The following GTF2IRD1 variants were observed in gnomAD, a reference collection of about 807,000 sequenced individuals.
GTF2IRD1 encodes the protein GTF2I repeat domain containing 1, also known as general transcription factor II-I repeat domain-containing protein 1.
In GTF2IRD1, 26 loss-of-function variants were observed where a neutral mutation model predicts 113.2. The observed-to-expected ratio is 0.23, with a 90% CI of 0.17 to 0.32. The LOEUF (loss-of-function observed/expected upper bound fraction) is 0.32, where lower values mean the gene tolerates loss of function less well. Among genes scored for constraint, GTF2IRD1 ranks in the 10% least tolerant of loss-of-function variants. The pLI is 1.00. For missense variants in GTF2IRD1, 864 were observed against 1,280.8 expected (o/e 0.67, Z 4.97); for synonymous variants, 484 against 529.1 (o/e 0.91, Z 1.17).
At position 74,593,548 on chromosome 7, in the gene GTF2IRD1, A is replaced by G. The variant is rs1802203092; in HGVS notation, c.2592-1466A>G. Reference sequence around the variant, plus strand: ...GGAGATCACAACCATCCTGGCTAACATGGTGAAACCCCGTCTCCACTAAAA... The same window carrying G: ...GGAGATCACAACCATCCTGGCTAACGTGGTGAAACCCCGTCTCCACTAAAA... On this transcript the variant is annotated intron_variant, in intron 24 of 26. Transcript: ENST00000424337. 1.3e-5 allele frequency among the ~76,000 whole-genome samples: 2 copies of G among 151,512 alleles called. 1 individual carries two copies. Among genetic ancestry groups the G allele is most frequent in the South Asian group, 4.2e-4 (2 of 4,796 alleles).
chr7:74,572,101 G>T (rs1464217007), intron 22 of GTF2IRD1, among the ~76,000 whole-genome samples: 3 of 152,092 alleles, frequency 2.0e-5, no homozygotes, highest in Admixed American at 6.6e-5. Flanking sequence ...TCTTCTGTGG[G>T]GTCTCCTGTC....
Position 74,492,490 on chromosome 7 carries a change from C to T in GTF2IRD1, c.-6-15585C>T, listed in dbSNP as rs574231602. Among the ~76,000 whole-genome samples the T allele has an allele frequency of 2.0e-5, 3 of 152,142 alleles. No individual in the cohort carries two copies. In the South Asian group the frequency reaches 6.2e-4, roughly 32 times the overall value. The stretch of plus-strand genomic sequence containing the variant: ...TGGCCCAGCATCTGTCATTTTTTGA[C>T]TTTAATAATAGCCATTCTGACTGGT... On this transcript the variant is annotated intron_variant, in intron 1 of 26. Coordinates refer to ENST00000424337, the MANE Select transcript of GTF2IRD1 (RefSeq NM_005685.4).
At position 74,555,988 on chromosome 7, in the gene GTF2IRD1, G is replaced by A. The variant is rs1473354479; in HGVS notation, c.2023+494G>A. On this transcript the variant is annotated intron_variant, in intron 19 of 26. Transcript: ENST00000424337. This position sits in a 1 kb window ranked among gnomAD's most constrained non-coding sequence, Gnocchi z 5.3. ...TCAGAGGCCGAGTGCAGTGGCTCAC[G>A]CCTGTAATCCCAGCACTTTGGGCGG... is the stretch of plus-strand genomic sequence containing the variant. Among the ~76,000 whole-genome samples, 1 of 152,066 alleles carries A rather than the reference G, an allele frequency of 6.6e-6. No homozygotes were observed. Among genetic ancestry groups the A allele is most frequent in the Non-Finnish European group, 1.5e-5 (1 of 68,016 alleles).
chr7:74,573,714 C>T (rs990371536), intron 22 of GTF2IRD1, among the ~76,000 whole-genome samples: 3 of 152,070 alleles, frequency 2.0e-5, no homozygotes, highest in Non-Finnish European at 2.9e-5. Flanking sequence ...TGGGTGTACC[C>T]GATCCTTCCA....
In GTF2IRD1 at chr7:74,569,938, G is replaced by A. The variant is rs587626181; in HGVS notation, c.2320+10283G>A. Reference sequence around the variant, plus strand: ...GGGGGCCTCTCAGAAGCGTGGAGCTGGCAGAGAGAGACCTGCCCGGGGCAT... The same window carrying A: ...GGGGGCCTCTCAGAAGCGTGGAGCTAGCAGAGAGAGACCTGCCCGGGGCAT... On this transcript the variant is annotated intron_variant, in intron 22 of 26. Coordinates refer to ENST00000424337, the MANE Select transcript of GTF2IRD1 (RefSeq NM_005685.4). Among the ~76,000 whole-genome samples the A allele has an allele frequency of 3.3e-5, 5 of 152,300 alleles. No individual in the cohort carries two copies. The South Asian group carries it at 1.0e-3, about 32-fold the overall frequency.
Position 74,555,100 on chromosome 7 carries a change from C to T in GTF2IRD1, c.1917-74C>T. Reference sequence around the variant, plus strand: ...CATTGCAGGGCTGTGTAGACTGAGGCCCAGAGAGGAGGGCTGAGCAGTCCC... The same window carrying T: ...CATTGCAGGGCTGTGTAGACTGAGGTCCAGAGAGGAGGGCTGAGCAGTCCC... On this transcript the variant is annotated intron_variant, in intron 17 of 26. Transcript: ENST00000424337. This position sits in a 1 kb window ranked among gnomAD's most constrained non-coding sequence, Gnocchi z 5.3. The T allele has an allele frequency of 7.3e-7, 1 of 1,376,606 alleles. No homozygotes were observed. The allele number at this position is 1,376,606 out of a possible 1,614,324, so 85.3% of individuals were successfully genotyped here. A position where few individuals can be genotyped will look rare whatever the true frequency, so the allele number is the denominator to read the frequency against.
In GTF2IRD1 at chr7:74,519,682, CA is replaced by C; in HGVS notation, c.881del (p.Lys294ArgfsTer49). Reference sequence around the variant, plus strand: ...GCCTGAGTCGGCCCATGCCAGAGCCCAAGGCCACCGGTGCCCAAGACTTCTC... The same window carrying C: ...GCCTGAGTCGGCCCATGCCAGAGCCCAGGCCACCGGTGCCCAAGACTTCTC... ...LGLSRPMPEP[K>X]ATGAQDFSDC... On this transcript the variant is annotated frameshift_variant, in exon 6 of 27. Coordinates refer to ENST00000424337, the MANE Select transcript of GTF2IRD1 (RefSeq NM_005685.4). LOFTEE classifies it high-confidence loss of function. 6.3e-7 allele frequency: 1 copy of C among 1,592,790 alleles called. No homozygotes were observed. The highest frequency in any genetic ancestry group is 8.5e-7 in the Non-Finnish European group (1 of 1,170,408).
At chr7:74,471,682 AAAAAAAAC>A (rs1562776523) in intron 1 of GTF2IRD1, among the ~76,000 whole-genome samples, 4 of 70,586 alleles carry the variant, frequency 5.7e-5, no homozygotes, top group Middle Eastern at 5.8e-3. Context: ...TAAAAAAAAA[AAAAAAAAC>A]AAAAAAAAAA....
intron 8 of GTF2IRD1, among the ~76,000 whole-genome samples, chr7:74,528,694 G>C (rs1246665072): frequency 2.1e-5 from 3 of 143,480 alleles, no homozygotes; most frequent in African/African-American, 7.5e-5. Flanking sequence ...GGGAGGGAGG[G>C]AAGGAAAGAT....
At chr7:74,472,018 CAG>C (rs1418747068) in intron 1 of GTF2IRD1, among the ~76,000 whole-genome samples, 2 of 152,118 alleles carry the variant, frequency 1.3e-5, no homozygotes, top group African/African-American at 2.4e-5. Context: ...ACAAACAAAA[CAG>C]AACACTCATA....
chr7:74,478,202 T>C (rs1472493956), intron 1 of GTF2IRD1, among the ~76,000 whole-genome samples: 1 of 152,140 alleles, frequency 6.6e-6, no homozygotes, highest in African/African-American at 2.4e-5. Context: ...AACCGCCCCT[T>C]GCGTGGAGGG....
chr7:74,585,164 G>A lies in GTF2IRD1; in HGVS notation c.2321-4687G>A, dbSNP rs1583959451. Among the ~76,000 whole-genome samples, 7 of 148,426 alleles carry A rather than the reference G, an allele frequency of 4.7e-5. No homozygotes were observed. In the South Asian group the frequency reaches 1.3e-3, roughly 27 times the overall value. ...GTCTTGCTCTGTCGCCTAGGCTGGA[G>A]TGCAGTGGCGCAATCTCAGCTCACT... On this transcript the variant is annotated intron_variant, in intron 22 of 26. Coordinates refer to ENST00000424337, the MANE Select transcript of GTF2IRD1 (RefSeq NM_005685.4).
chr7:74,527,703 G>A (rs974114042), intron 8 of GTF2IRD1, among the ~76,000 whole-genome samples: 12 of 152,100 alleles, frequency 7.9e-5, no homozygotes, highest in South Asian at 2.1e-4. Context: ...TTAGCTGGGC[G>A]TGGTGGCACA....
At chr7:74,496,134 A>G (rs1248103053) in intron 1 of GTF2IRD1, among the ~76,000 whole-genome samples, 3 of 151,046 alleles carry the variant, frequency 2.0e-5, no homozygotes, top group African/African-American at 4.9e-5. Context: ...GTGTGCATGC[A>G]TATGTGAGTG....
chr7:74,534,999 T>C, intron 9 of GTF2IRD1, 114 bp from the exon 10 acceptor site: 1 of 830,980 alleles, frequency 1.2e-6, no homozygotes, highest in Non-Finnish European at 2.1e-6. Context: ...GGTCTGTAGC[T>C]GTGCATGTGT....
At chr7:74,536,101 C>T in intron 10 of GTF2IRD1, 66 bp from the exon 11 acceptor site, 1 of 1,013,528 alleles carries the variant, frequency 9.9e-7, no homozygotes, top group Non-Finnish European at 1.6e-6. Flanking sequence ...AGACCTTTAC[C>T]CAGGGGCTCT....
intron 9 of GTF2IRD1, among the ~76,000 whole-genome samples, chr7:74,532,688 C>A (rs1798037593): frequency 6.6e-6 from 1 of 152,138 alleles, no homozygotes; most frequent in Non-Finnish European, 1.5e-5. Context: ...GCCTGTGGAT[C>A]CAGATGTGTG....
chr7:74,601,043 G>A lies in GTF2IRD1; in HGVS notation c.2630-1G>A. On this transcript the variant is annotated splice_acceptor_variant, in intron 25 of 26. Transcript: ENST00000424337. LOFTEE classifies it high-confidence loss of function. ...TCAACAGCCTTTTCCCCTCCTTCCA[G>A]CCAAAGACAGCAGCATTCCCAAGCG... The A allele has an allele frequency of 6.2e-7, 1 of 1,614,144 alleles. No homozygotes were observed. The highest frequency in any genetic ancestry group is 8.5e-7 in the Non-Finnish European group (1 of 1,180,018).
At chr7:74,514,964 G>A (rs782173306) in intron 3 of GTF2IRD1, among the ~76,000 whole-genome samples, 22 of 150,348 alleles carry the variant, frequency 1.5e-4, no homozygotes, top group Admixed American at 6.7e-5. Context: ...GGCTGAGGCA[G>A]GAGAATCACT....
Sources: allele counts gnomAD v4.1 joint callset (sites outside exome capture counted in the v4.1 genomes callset), GRCh38; gene constraint gnomAD v4.1.1; non-coding constraint Gnocchi (gnomAD v3.1); transcripts MANE v1.5; gene names NCBI Gene and HGNC (gene_info 2026-07-23, HGNC 2026-07-21).